The following CFAP20DC variants were observed in gnomAD, a reference collection of about 807,000 sequenced individuals.
CFAP20DC encodes CFAP20 domain containing.
Under a neutral mutation model 101.7 loss-of-function variants are expected in CFAP20DC, and 84 were observed. The observed-to-expected ratio is 0.83, with a 90% CI of 0.69 to 0.99. The LOEUF (loss-of-function observed/expected upper bound fraction) is 0.99. Among genes scored for constraint, CFAP20DC ranks in the 50% least tolerant of loss-of-function variants. The probability of loss-of-function intolerance (pLI) is 0.00; values close to 1 mark genes in which losing one functional copy is unlikely to be tolerated. For missense variants in CFAP20DC, 1,007 were observed against 970.3 expected (o/e 1.04, Z -0.50); for synonymous variants, 359 against 351.2 (o/e 1.02, Z -0.25).
chr3:58,988,160 T>C (rs1350916311), intron 4 of CFAP20DC, among the ~76,000 whole-genome samples: 1 of 152,130 alleles, frequency 6.6e-6, no homozygotes. Context: ...ATATCTGTAA[T>C]GTCATCCATG....
At chr3:58,813,806 A>G (rs948673994) in intron 14 of CFAP20DC, among the ~76,000 whole-genome samples, 3 of 151,950 alleles carry the variant, frequency 2.0e-5, no homozygotes, top group Non-Finnish European at 4.4e-5. Context: ...AATTGAACCA[A>G]TATCAATGCA....
At chr3:59,024,549 C>A (rs1028468959) in intron 4 of CFAP20DC, among the ~76,000 whole-genome samples, 4 of 152,056 alleles carry the variant, frequency 2.6e-5, no homozygotes, top group African/African-American at 7.2e-5. Context: ...TACATGTATG[C>A]CATTCTATCA....
intron 7 of CFAP20DC, among the ~76,000 whole-genome samples, chr3:58,876,496 T>C (rs2108583833): frequency 6.6e-6 from 1 of 152,160 alleles, no homozygotes; most frequent in East Asian, 1.9e-4. Context: ...AAATCAAGAT[T>C]AGATTAAAGT....
At chr3:58,828,204 T>C (rs1375418707) in intron 14 of CFAP20DC, among the ~76,000 whole-genome samples, 1 of 152,078 alleles carries the variant, frequency 6.6e-6, no homozygotes, top group South Asian at 2.1e-4. Context: ...AGAGATCAGA[T>C]CAGATCAGAT....
At chr3:58,806,272 T>C in intron 15 of CFAP20DC, 123 bp downstream of exon 15, 2 of 687,362 alleles carry the variant, frequency 2.9e-6, no homozygotes, top group Non-Finnish European at 5.1e-6. Context: ...AACTAGGACT[T>C]TGAAAGAACA....
At chr3:58,758,346 G>C (rs560106025) in intron 15 of CFAP20DC, among the ~76,000 whole-genome samples, 151 of 152,060 alleles carry the variant, frequency 9.9e-4, no homozygotes, top group African/African-American at 3.4e-3. Flanking sequence ...TCAAGGAATG[G>C]GGAGTTCTAG....
At chr3:58,811,053 G>C (rs1021674457) in intron 14 of CFAP20DC, among the ~76,000 whole-genome samples, 1 of 152,248 alleles carries the variant, frequency 6.6e-6, no homozygotes, top group South Asian at 2.1e-4. Flanking sequence ...TGAAATAAAA[G>C]AGGACACAAA....
In CFAP20DC at chr3:58,851,705, T is replaced by C. The variant is rs148743326; in HGVS notation, c.1594-2296A>G. The stretch of plus-strand genomic sequence containing the variant: ...CCTAAGAAACTGAGGATCCTGGGAA[T>C]ATAACCACGTCGATGTACTCTTTTT... On this transcript the variant is annotated intron_variant, in intron 12 of 16. Transcript: ENST00000482387. 3.6e-3 allele frequency among the ~76,000 whole-genome samples: 555 copies of C among 152,262 alleles called. 6 individuals are homozygous for C. The highest frequency in any genetic ancestry group is 0.013 in the African/African-American group (528 of 41,540).
At chr3:58,763,951 C>T (rs551278030) in intron 15 of CFAP20DC, among the ~76,000 whole-genome samples, 28 of 152,312 alleles carry the variant, frequency 1.8e-4, no homozygotes, top group East Asian at 5.8e-4. Context: ...TGCCCCTACT[C>T]GGGGGTTCCT....
chr3:59,013,068 A>C (rs1288254655), intron 4 of CFAP20DC, among the ~76,000 whole-genome samples: 1 of 152,326 alleles, frequency 6.6e-6, no homozygotes, highest in East Asian at 1.9e-4. Flanking sequence ...CAAAAGACAA[A>C]GGGCTAAAGG....
Position 58,894,013 on chromosome 3 carries a change from T to C in CFAP20DC, c.551-9304A>G, listed in dbSNP as rs1454871228. ...AGGGAAACTCCCCTTTTTAAAACCA[T>C]CAGATCTCAAAAGACTTACTTGCTA... On this transcript the variant is annotated intron_variant, in intron 6 of 16. Transcript: ENST00000482387. The surrounding 1 kb of genome is among the most constrained non-coding windows in gnomAD (Gnocchi z 4.1). Among the ~76,000 whole-genome samples the C allele has an allele frequency of 6.6e-6, 1 of 152,060 alleles. No individual in the cohort carries two copies. The highest frequency in any genetic ancestry group is 1.9e-4 in the East Asian group (1 of 5,188).
chr3:58,933,870 G>T (rs1448611747), intron 5 of CFAP20DC, among the ~76,000 whole-genome samples: 1 of 151,680 alleles, frequency 6.6e-6, no homozygotes, highest in East Asian at 1.9e-4. Context: ...AACTAGAAAA[G>T]CAAGAGCAAA....
rs190436036 is a variant in CFAP20DC at position 58,966,534 on chromosome 3, A to T, written c.279-28772T>A. On this transcript the variant is annotated intron_variant, in intron 4 of 16. Coordinates refer to ENST00000482387, the MANE Select transcript of CFAP20DC (RefSeq NM_001394063.1). The stretch of plus-strand genomic sequence containing the variant: ...TGTATATATATAAATATATATATAT[A>T]TTTTTTTTAGACAGAGTCTCACTCT... 4.7e-4 allele frequency among the ~76,000 whole-genome samples: 69 copies of T among 147,980 alleles called. No homozygotes were observed. The Middle Eastern group carries it at 0.021, about 45-fold the overall frequency.
At chr3:58,755,952 T>C (rs891485324) in intron 15 of CFAP20DC, among the ~76,000 whole-genome samples, 1 of 152,184 alleles carries the variant, frequency 6.6e-6, no homozygotes, top group African/African-American at 2.4e-5. Flanking sequence ...ATTAAAATAA[T>C]GTTTCATGAC....
Position 59,008,321 on chromosome 3 carries a change from T to C in CFAP20DC, c.278+31236A>G, listed in dbSNP as rs2093488529. Among the ~76,000 whole-genome samples the C allele has an allele frequency of 3.9e-5, 6 of 152,276 alleles. No homozygotes were observed. In the South Asian group the frequency reaches 1.0e-3, roughly 26 times the overall value. The stretch of plus-strand genomic sequence containing the variant: ...ATGGGAGCTCTGGTAGTTCCTACTC[T>C]TAACCCTGATAAAACCTAATTAAGA... On this transcript the variant is annotated intron_variant, in intron 4 of 16. Coordinates refer to ENST00000482387, the MANE Select transcript of CFAP20DC (RefSeq NM_001394063.1).
At chr3:58,835,409 C>A (rs1479597440) in intron 13 of CFAP20DC, among the ~76,000 whole-genome samples, 3 of 152,134 alleles carry the variant, frequency 2.0e-5, no homozygotes, top group African/African-American at 7.2e-5. Flanking sequence ...GGACTCCCAC[C>A]ACTGGCAGGC....
At position 59,036,190 on chromosome 3, in the gene CFAP20DC, T is replaced by C. The variant is rs371232102; in HGVS notation, c.278+3367A>G. 1.2e-4 allele frequency among the ~76,000 whole-genome samples: 18 copies of C among 152,272 alleles called. No individual in the cohort carries two copies. In the East Asian group the frequency reaches 2.5e-3, roughly 21 times the overall value. On this transcript the variant is annotated intron_variant, in intron 4 of 16. Coordinates refer to ENST00000482387, the MANE Select transcript of CFAP20DC (RefSeq NM_001394063.1). ...ATTTATGACAAACCCATAGCCAATA[T>C]CATACTGAATGGTCAAAAGCTGGAA... is the stretch of plus-strand genomic sequence containing the variant.
intron 4 of CFAP20DC, among the ~76,000 whole-genome samples, chr3:58,980,759 G>C (rs2092502110): frequency 6.6e-6 from 1 of 152,094 alleles, no homozygotes; most frequent in Non-Finnish European, 1.5e-5. Flanking sequence ...ATACTGAATG[G>C]GCAAAAACTA....
intron 4 of CFAP20DC, among the ~76,000 whole-genome samples, chr3:59,012,325 G>A (rs1311954636): frequency 6.6e-5 from 10 of 152,304 alleles, no homozygotes; most frequent in Admixed American, 1.3e-4. Context: ...GATAGTTTCC[G>A]GATCCTACCA....
Sources: gnomAD v4.1 joint callset for allele counts (sites outside exome capture counted in the v4.1 genomes callset) on GRCh38, gnomAD v4.1.1 for gene constraint, Gnocchi (gnomAD v3.1) non-coding constraint, MANE v1.5 for transcripts, NCBI Gene and HGNC (gene_info 2026-07-23, HGNC 2026-07-21) for gene names.